CNTN4: variants seen among roughly 807,000 people sequenced by gnomAD.
The protein encoded by CNTN4 is contactin-4.
In CNTN4, 77 loss-of-function variants were observed where a neutral mutation model predicts 122.5. That is an observed-to-expected ratio of 0.63 (90% CI 0.52 to 0.76). CNTN4 has a LOEUF of 0.76. CNTN4 is among the 30% of genes least tolerant of loss of function. The probability of loss-of-function intolerance (pLI) is 0.00; values close to 1 mark genes in which losing one functional copy is unlikely to be tolerated. For missense variants in CNTN4, 1,256 were observed against 1,259.1 expected (o/e 1.00, Z 0.04); for synonymous variants, 512 against 447.0 (o/e 1.15, Z -1.83).
chr3:2,482,416 C>A (rs1454729992), intron 3 of CNTN4, among the ~76,000 whole-genome samples: 1 of 151,704 alleles, frequency 6.6e-6, no homozygotes, highest in African/African-American at 2.4e-5. Context: ...AAATTTGCAG[C>A]CTGATGATGT....
At chr3:2,252,732 G>A (rs1029526628) in intron 2 of CNTN4, among the ~76,000 whole-genome samples, 2 of 151,996 alleles carry the variant, frequency 1.3e-5, no homozygotes, top group African/African-American at 4.8e-5. Context: ...AGTACATCTT[G>A]GCTTGATGAT....
At chr3:2,913,051 C>T (rs2094318130) in intron 12 of CNTN4, among the ~76,000 whole-genome samples, 1 of 152,152 alleles carries the variant, frequency 6.6e-6, no homozygotes, top group South Asian at 2.1e-4. Flanking sequence ...ACTCAGCAGG[C>T]TGAGGCAGGA....
At chr3:2,885,614 A>AT (rs756239119) in intron 9 of CNTN4, among the ~76,000 whole-genome samples, 35 of 152,214 alleles carry the variant, frequency 2.3e-4, no homozygotes, top group Non-Finnish European at 4.1e-4. Flanking sequence ...GGGCACTTGC[A>AT]TTGTTGGTAC....
rs529558746 is a variant in CNTN4, at chr3:2,186,665, A to G, written c.-145+86026A>G. Among the ~76,000 whole-genome samples, 102 of 152,160 alleles carry G rather than the reference A, an allele frequency of 6.7e-4. 1 individual carries two copies. Among genetic ancestry groups the G allele is most frequent in the Non-Finnish European group, 1.1e-3 (77 of 68,004 alleles). On this transcript the variant is annotated intron_variant, in intron 2 of 24. Coordinates refer to ENST00000418658, the MANE Select transcript of CNTN4 (RefSeq NM_175607.3). ...GTATCTCATTGTGGTTTTGATTTGC[A>G]TTTCTCTGATGGTCAGTGATGATGA...
chr3:2,824,559 A>C (rs1421303924), intron 7 of CNTN4, among the ~76,000 whole-genome samples: 1 of 152,238 alleles, frequency 6.6e-6, no homozygotes, highest in Non-Finnish European at 1.5e-5. Context: ...CTACAGAACT[A>C]GCCCAGGTCC....
chr3:2,643,568 C>A (rs556958192), intron 4 of CNTN4, among the ~76,000 whole-genome samples: 2 of 152,268 alleles, frequency 1.3e-5, no homozygotes, highest in Admixed American at 1.3e-4. Flanking sequence ...AATAACAAAA[C>A]TGTGCGAGAT....
intron 3 of CNTN4, among the ~76,000 whole-genome samples, chr3:2,492,956 T>TA (rs1191457772): frequency 6.6e-6 from 1 of 152,074 alleles, no homozygotes; most frequent in Non-Finnish European, 1.5e-5. Flanking sequence ...TCTATGAACA[T>TA]AAAAAAATTG....
chr3:2,416,256 T>C (rs2047407565), intron 3 of CNTN4, among the ~76,000 whole-genome samples: 1 of 152,188 alleles, frequency 6.6e-6, no homozygotes, highest in African/African-American at 2.4e-5. Flanking sequence ...ATTCTTAAAT[T>C]TGATGTTTAA....
chr3:2,232,941 A>G (rs1261874274), intron 2 of CNTN4, among the ~76,000 whole-genome samples: 1 of 152,166 alleles, frequency 6.6e-6, no homozygotes. Flanking sequence ...TTGACCCAGG[A>G]AGACAGATTC....
chr3:2,862,310 G>A (rs995140805), intron 7 of CNTN4, among the ~76,000 whole-genome samples: 3 of 152,150 alleles, frequency 2.0e-5, no homozygotes, highest in Non-Finnish European at 4.4e-5. Flanking sequence ...TGAGTACCTG[G>A]ATTTGAAAAT....
chr3:2,729,284 G>T (rs115655197), intron 4 of CNTN4, among the ~76,000 whole-genome samples: 1 of 152,118 alleles, frequency 6.6e-6, no homozygotes, highest in African/African-American at 2.4e-5. Flanking sequence ...AATGAAAGTG[G>T]CCGGGCGCGG....
intron 3 of CNTN4, among the ~76,000 whole-genome samples, chr3:2,443,343 G>C (rs567830368): frequency 1.3e-5 from 2 of 152,230 alleles, no homozygotes; most frequent in East Asian, 3.9e-4. Flanking sequence ...AATGAATGTT[G>C]TGGTCTCATT....
chr3:2,318,218 TA>T lies in CNTN4; in HGVS notation c.-144-20943del, dbSNP rs372313468. On this transcript the variant is annotated intron_variant, in intron 2 of 24. Transcript: ENST00000418658. ...GGGCAGGGTAACGAGAACTTGTCCC[TA>T]AAAAAAAAAAAAAAAAGAGTATGTG... Among the ~76,000 whole-genome samples the T allele has an allele frequency of 4.1e-3, 463 of 112,600 alleles. 1 individual carries two copies. The highest frequency in any genetic ancestry group is 4.3e-3 in the Non-Finnish European group (236 of 54,440). The allele number at this position is 112,600 out of a possible 152,430, so 73.9% of individuals were successfully genotyped here.
chr3:2,865,468 CATT>C (rs1437334175), intron 7 of CNTN4, among the ~76,000 whole-genome samples: 1 of 152,156 alleles, frequency 6.6e-6, no homozygotes, highest in Admixed American at 6.5e-5. Flanking sequence ...ACACTTTATA[CATT>C]TAGACTTTAG....
At chr3:2,431,364 A>G (rs1192486265) in intron 3 of CNTN4, among the ~76,000 whole-genome samples, 1 of 152,166 alleles carries the variant, frequency 6.6e-6, no homozygotes, top group Non-Finnish European at 1.5e-5. Flanking sequence ...CTTCTTTTTT[A>G]TATGTACGTG....
chr3:2,338,869 A>C (rs978480744), intron 2 of CNTN4, among the ~76,000 whole-genome samples: 32 of 152,060 alleles, frequency 2.1e-4, no homozygotes, highest in African/African-American at 6.0e-4. Flanking sequence ...CTTTTATTGA[A>C]TCTGAATGCC....
intron 9 of CNTN4, among the ~76,000 whole-genome samples, chr3:2,884,706 T>C (rs2093950355): frequency 6.6e-6 from 1 of 152,234 alleles, no homozygotes; most frequent in African/African-American, 2.4e-5. Flanking sequence ...ATACATTTGA[T>C]GAATTTTTTA....
At chr3:2,651,909 G>T (rs1405762431) in intron 4 of CNTN4, among the ~76,000 whole-genome samples, 2 of 151,588 alleles carry the variant, frequency 1.3e-5, no homozygotes, top group African/African-American at 4.8e-5. Context: ...GTTTCACCAT[G>T]TTGGCCAGGC....
At chr3:2,401,937 G>A (rs2046873380) in intron 3 of CNTN4, among the ~76,000 whole-genome samples, 1 of 152,274 alleles carries the variant, frequency 6.6e-6, no homozygotes, top group South Asian at 2.1e-4. Flanking sequence ...TTTCTCAGAG[G>A]AGCTAGGCAT....
Sources: gnomAD v4.1 joint callset for allele counts (sites outside exome capture counted in the v4.1 genomes callset) on GRCh38, gnomAD v4.1.1 for gene constraint, MANE v1.5 for transcripts, NCBI Gene and HGNC (gene_info 2026-07-23, HGNC 2026-07-21) for gene names.